Variants in CERKL observed in about 807,000 individuals in gnomAD.
CERKL encodes the protein ceramide kinase-like protein.
Under a neutral mutation model 63.4 loss-of-function variants are expected in CERKL, and 61 were observed. The ratio of observed to expected loss-of-function variants is 0.96; its 90% CI spans 0.78 to 1.19. CERKL has a LOEUF of 1.19. Among genes scored for constraint, CERKL ranks in the 50% most tolerant of loss-of-function variants. CERKL has a pLI of 0.00. For synonymous variants in CERKL, 250 were observed against 230.5 expected (o/e 1.08, Z -0.77); for missense variants, 675 against 655.5 (o/e 1.03, Z -0.33).
intron 1 of CERKL, among the ~76,000 whole-genome samples, chr2:181,633,292 C>T (rs1179833049): frequency 6.6e-6 from 1 of 152,166 alleles, no homozygotes; most frequent in Non-Finnish European, 1.5e-5. Context: ...CTAAGAGCAG[C>T]AAGGATGACT....
At chr2:181,649,282 A>C (rs1179391296) in intron 1 of CERKL, among the ~76,000 whole-genome samples, 1 of 152,216 alleles carries the variant, frequency 6.6e-6, no homozygotes, top group Non-Finnish European at 1.5e-5. Flanking sequence ...AATAGACTTT[A>C]AGTCAAAAAC....
intron 1 of CERKL, among the ~76,000 whole-genome samples, chr2:181,654,134 TCA>T (rs748376397): frequency 2.6e-5 from 4 of 151,646 alleles, no homozygotes; most frequent in Non-Finnish European, 5.9e-5. Context: ...TAACTTTATA[TCA>T]CACATTTAAA....
chr2:181,544,877 A>G (rs890159121), intron 10 of CERKL, 81 bp from the exon 11 acceptor site: 23 of 771,930 alleles, frequency 3.0e-5, no homozygotes, highest in African/African-American at 2.5e-4. Context: ...GTTCCTTATA[A>G]CAAGTATACT....
intron 2 of CERKL, among the ~76,000 whole-genome samples, chr2:181,579,150 G>A (rs1385477983): frequency 6.6e-6 from 1 of 151,862 alleles, no homozygotes; most frequent in Admixed American, 6.6e-5. Flanking sequence ...GGTACTTTCT[G>A]GATAAGTTAA....
intron 1 of CERKL, among the ~76,000 whole-genome samples, chr2:181,624,950 G>A (rs1365515374): frequency 1.3e-5 from 2 of 152,152 alleles, no homozygotes; most frequent in Non-Finnish European, 2.9e-5. Context: ...GGAATTCAGA[G>A]GAGAGGTCTA....
chr2:181,599,513 G>T (rs1685369182), intron 2 of CERKL, among the ~76,000 whole-genome samples: 1 of 148,380 alleles, frequency 6.7e-6, no homozygotes, highest in South Asian at 2.1e-4. Context: ...CTCCAGCCTA[G>T]GCAACAGAGT....
intron 12 of CERKL, 62 bp from the exon 13 acceptor site, chr2:181,538,306 G>A: frequency 2.1e-6 from 2 of 947,198 alleles, no homozygotes; most frequent in Admixed American, 3.6e-5. Flanking sequence ...CACCTAATAA[G>A]TATGGTACAC....
rs1264630712 is a variant in CERKL at position 181,537,721 on chromosome 2, T to C, written c.*463A>G. 2.3e-6 allele frequency: 1 copy of C among 429,202 alleles called. No individual in the cohort carries two copies. Among genetic ancestry groups the C allele is most frequent in the South Asian group, 1.7e-5 (1 of 59,666 alleles). The allele number at this position is 429,202 out of a possible 1,614,324, so 26.6% of individuals were successfully genotyped here. A position where few individuals can be genotyped will look rare whatever the true frequency, so the allele number is the denominator to read the frequency against. Reference sequence around the variant, plus strand: ...ATGATGGTTGCAAAGTTTTTTTGTGTGTCCAATAAACACATTGTAAAAAAA... The same window carrying C: ...ATGATGGTTGCAAAGTTTTTTTGTGCGTCCAATAAACACATTGTAAAAAAA... On this transcript the variant is annotated 3_prime_UTR_variant, in exon 13 of 13. Coordinates refer to ENST00000410087, the MANE Select transcript of CERKL (RefSeq NM_201548.5).
At chr2:181,650,103 G>GAGGAAGGAAGGA (rs1438793900) in intron 1 of CERKL, 1 of 83,242 alleles carries the variant, frequency 1.2e-5, no homozygotes, top group Non-Finnish European at 2.4e-5. Context: ...GGGAGGGAGG[G>GAGGAAGGAAGGA]AGGGAGGGAG....
intron 1 of CERKL, among the ~76,000 whole-genome samples, chr2:181,648,737 G>A (rs1397225806): frequency 1.3e-5 from 2 of 152,168 alleles, no homozygotes; most frequent in Non-Finnish European, 2.9e-5. Flanking sequence ...AGCTACAATG[G>A]CTAGGGAACA....
At chr2:181,561,155 T>C (rs904770573) in intron 4 of CERKL, among the ~76,000 whole-genome samples, 2 of 152,154 alleles carry the variant, frequency 1.3e-5, no homozygotes, top group African/African-American at 4.8e-5. Context: ...GGCTCATGCA[T>C]GCAATTCCAG....
At chr2:181,606,506 GGGA>G (rs1480345856) in intron 1 of CERKL, among the ~76,000 whole-genome samples, 8 of 28,220 alleles carry the variant, frequency 2.8e-4, no homozygotes, top group South Asian at 3.5e-3. Flanking sequence ...CGAGGGGGAG[GGGA>G]GGGGGGAGGA....
At chr2:181,627,113 T>C (rs930890600) in intron 1 of CERKL, among the ~76,000 whole-genome samples, 4 of 152,224 alleles carry the variant, frequency 2.6e-5, no homozygotes, top group Admixed American at 6.5e-5. Context: ...GTCTCTTCTA[T>C]GCCAAGTGTT....
intron 1 of CERKL, among the ~76,000 whole-genome samples, chr2:181,639,781 C>T (rs1345470648): frequency 1.3e-5 from 2 of 152,184 alleles, no homozygotes; most frequent in Non-Finnish European, 2.9e-5. Flanking sequence ...TTTAACACCT[C>T]TGGGCCCTAG....
At chr2:181,649,870 C>T (rs1687833531) in intron 1 of CERKL, 1 of 152,476 alleles carries the variant, frequency 6.6e-6, no homozygotes, top group Non-Finnish European at 1.5e-5. Flanking sequence ...AAAGCCATCT[C>T]TACTAAACAT....
chr2:181,609,125 CTTTAAG>C (rs1685846334), intron 1 of CERKL, among the ~76,000 whole-genome samples: 1 of 151,854 alleles, frequency 6.6e-6, no homozygotes, highest in African/African-American at 2.4e-5. Context: ...TATTATTATA[CTTTAAG>C]TTTCAGGGTA....
intron 1 of CERKL, among the ~76,000 whole-genome samples, chr2:181,634,425 G>A (rs1687089688): frequency 6.6e-6 from 1 of 152,104 alleles, no homozygotes. Flanking sequence ...ACATTATGTT[G>A]CAACAGTATG....
intron 2 of CERKL, among the ~76,000 whole-genome samples, chr2:181,577,536 C>A (rs1392595772): frequency 6.6e-6 from 1 of 152,070 alleles, no homozygotes; most frequent in African/African-American, 2.4e-5. Context: ...AGCTGTGTCT[C>A]TATTACAACA....
intron 2 of CERKL, among the ~76,000 whole-genome samples, chr2:181,600,483 ATG>A (rs1685410850): frequency 6.6e-6 from 1 of 152,188 alleles, no homozygotes; most frequent in Non-Finnish European, 1.5e-5. Flanking sequence ...CTCACATGTA[ATG>A]ACAACCATGG....
Sources: allele counts gnomAD v4.1 joint callset (sites outside exome capture counted in the v4.1 genomes callset), GRCh38; gene constraint gnomAD v4.1.1; transcripts MANE v1.5; gene names NCBI Gene and HGNC (gene_info 2026-07-23, HGNC 2026-07-21).